TKT: variants seen among roughly 807,000 people sequenced by gnomAD.
TKT encodes the protein transketolase.
In TKT, 47 loss-of-function variants were observed where a neutral mutation model predicts 63.9. The observed-to-expected ratio is 0.74, with a 90% CI of 0.58 to 0.94. The LOEUF (loss-of-function observed/expected upper bound fraction) is 0.94. TKT is among the 40% of genes least tolerant of loss of function. The pLI is 0.00. For missense variants in TKT, 721 were observed against 846.2 expected (o/e 0.85, Z 1.84); for synonymous variants, 338 against 334.1 (o/e 1.01, Z -0.13).
In TKT at chr3:53,244,264, A is replaced by G. The variant is rs562075564; in HGVS notation, c.108-2022T>C. The stretch of plus-strand genomic sequence containing the variant: ...ACGCTTAGGAGCCAGGTGTCCCCGC[A>G]CTCTTCCCCAGAGCTTTTGGGGCTC... On this transcript the variant is annotated intron_variant, in intron 1 of 13. Coordinates refer to ENST00000462138, the MANE Select transcript of TKT (RefSeq NM_001064.4). 5.5e-3 allele frequency among the ~76,000 whole-genome samples: 843 copies of G among 151,968 alleles called. 4 individuals carry two copies. Among genetic ancestry groups the G allele is most frequent in the Middle Eastern group, 0.014 (4 of 294 alleles).
rs1553680025 is a variant in TKT at position 53,242,146 on chromosome 3, A to G, written c.204T>C (p.Asn68=). The change falls in exon 2 of 14, where the codon AAT becomes AAC. Residue 68 remains asparagine (N), a synonymous_variant. Coordinates refer to ENST00000462138, the MANE Select transcript of TKT (RefSeq NM_001064.4). ...TTACCTTGGAGAGCACAAAGCGGTC[A>G]TTGTGCGGATTCCGGGGGTCCTGGG... The part of the protein sequence containing the change: ...YKSQDPRNPH[N]DRFVLSKGHA... The G allele has an allele frequency of 6.2e-7, 1 of 1,614,080 alleles. No homozygotes were observed. Among genetic ancestry groups the G allele is most frequent in the South Asian group, 1.1e-5 (1 of 91,086 alleles).
At chr3:53,226,970 G>T in intron 12 of TKT, 92 bp from the exon 13 acceptor site, 1 of 1,466,016 alleles carries the variant, frequency 6.8e-7, no homozygotes, top group Non-Finnish European at 9.2e-7. Context: ...TGAGGGCTGC[G>T]TGTAGCTAAG....
intron 1 of TKT, among the ~76,000 whole-genome samples, chr3:53,244,569 T>C (rs781974379): frequency 3.9e-5 from 6 of 152,140 alleles, no homozygotes; most frequent in Non-Finnish European, 7.4e-5. Context: ...ACACCAAGGA[T>C]TGAGACCGGG....
intron 5 of TKT, 38 bp downstream of exon 5, chr3:53,234,945 G>GTGCTGTGGCCTGA: frequency 6.4e-7 from 1 of 1,568,998 alleles, no homozygotes; most frequent in Non-Finnish European, 8.7e-7. Context: ...CCACTCTCCC[G>GTGCTGTGGCCTGA]TGCTGTGACC....
chr3:53,236,739 A>G (rs1705049533), intron 4 of TKT, among the ~76,000 whole-genome samples: 1 of 152,230 alleles, frequency 6.6e-6, no homozygotes, highest in African/African-American at 2.4e-5. Context: ...GAGGCCCAGC[A>G]CAGCTTTGGC....
At chr3:53,243,623 C>T (rs1553680373) in intron 1 of TKT, 2 of 456,642 alleles carry the variant, frequency 4.4e-6, no homozygotes, top group Non-Finnish European at 8.8e-6. Flanking sequence ...GACACTACAC[C>T]TGAAAGAGGG....
chr3:53,230,348 G>A (rs1282551863), intron 8 of TKT, 109 bp downstream of exon 8: 3 of 1,411,602 alleles, frequency 2.1e-6, no homozygotes, highest in Non-Finnish European at 3.0e-6. Flanking sequence ...TAGTCTCCCT[G>A]GGCTGGCCTA....
intron 12 of TKT, 61 bp downstream of exon 12, chr3:53,227,995 C>G: frequency 7.0e-7 from 1 of 1,438,720 alleles, no homozygotes; most frequent in Non-Finnish European, 9.7e-7. Flanking sequence ...AAAGAAAGAA[C>G]CCCAAGACCT....
Position 53,225,654 on chromosome 3 carries a change from T to C in TKT, c.*102A>G, listed in dbSNP as rs1427307433. ...GAAAACATTTCAGGGCCAATTCATT[T>C]TTCTCAAAACATATATTTACCCCTC... On this transcript the variant is annotated 3_prime_UTR_variant, in exon 14 of 14. Transcript: ENST00000462138. 29 of 1,328,106 alleles carry C rather than the reference T, an allele frequency of 2.2e-5. No homozygotes were observed. Among genetic ancestry groups the C allele is most frequent in the Admixed American group, 1.3e-4 (5 of 37,758 alleles). The allele number at this position is 1,328,106 out of a possible 1,614,324, so 82.3% of individuals were successfully genotyped here.
chr3:53,228,018 C>T, intron 12 of TKT, 38 bp downstream of exon 12: 2 of 1,582,152 alleles, frequency 1.3e-6, no homozygotes, highest in East Asian at 2.2e-5. Flanking sequence ...CATGCAGTGG[C>T]CGCTCAGTTG....
rs1457777593 is a variant in TKT, at chr3:53,225,809, T to C, written c.1819A>G (p.Ile607Val). 2 of 1,614,024 alleles carry C rather than the reference T, an allele frequency of 1.2e-6. No individual in the cohort carries two copies. The highest frequency in any genetic ancestry group is 2.2e-5 in the East Asian group (1 of 44,896). The change falls in exon 14 of 14, where the codon ATC becomes GTC. Residue 607 changes from isoleucine (I) to valine (V), a missense_variant. Physicochemically the swap from Ile to Val is conservative, Grantham distance 29 (BLOSUM62 3). Coordinates refer to ENST00000462138, the MANE Select transcript of TKT (RefSeq NM_001064.4). The stretch of plus-strand genomic sequence containing the variant: ...GCTTGTGCAATGGCATCCCTGTCGA[T>C]ACCAAACATCTTCAGCAGCTCAGCC... ...KPAELLKMFG[I>V]DRDAIAQAVR...
intron 6 of TKT, chr3:53,232,724 G>GAGT (rs527246199): frequency 4.5e-5 from 18 of 398,982 alleles, no homozygotes; most frequent in Middle Eastern, 6.2e-4. Context: ...ATTGCTTGAG[G>GAGT]AGTACCCCAC....
In TKT at chr3:53,225,820, T is replaced by G; in HGVS notation, c.1808A>C (p.Lys603Thr). 4 of 1,614,054 alleles carry G rather than the reference T, an allele frequency of 2.5e-6. No individual in the cohort carries two copies. Among genetic ancestry groups the G allele is most frequent in the Non-Finnish European group, 3.4e-6 (4 of 1,179,994 alleles). ...GGCATCCCTGTCGATACCAAACATCTTCAGCAGCTCAGCCGGCTTCCCACT... is the reference window on the plus strand; with the variant it reads ...GGCATCCCTGTCGATACCAAACATCGTCAGCAGCTCAGCCGGCTTCCCACT... ...PRSGKPAELL[K>T]MFGIDRDAIA... Residue 603 changes from lysine to threonine, a missense_variant, in exon 14 of 14, where the codon AAG becomes ACG. Physicochemically the swap from Lys to Thr is moderately conservative, Grantham distance 78 (BLOSUM62 -1). Transcript: ENST00000462138.
At chr3:53,231,859 C>A in intron 6 of TKT, 1 of 398,642 alleles carries the variant, frequency 2.5e-6, no homozygotes, top group Non-Finnish European at 4.5e-6. Context: ...ATCCCTTCAC[C>A]AATGTGTCCA....
chr3:53,226,056 G>T, intron 13 of TKT, 125 bp from the exon 14 acceptor site: 1 of 823,794 alleles, frequency 1.2e-6, no homozygotes, highest in Non-Finnish European at 1.8e-6. Context: ...TCCACCTGTA[G>T]CCATGAGCCC....
intron 1 of TKT, among the ~76,000 whole-genome samples, chr3:53,248,820 G>A (rs1264617000): frequency 1.3e-5 from 2 of 152,154 alleles, no homozygotes; most frequent in Non-Finnish European, 1.5e-5. Flanking sequence ...GGTGGAAATG[G>A]GGAGTGACAG....
intron 3 of TKT, among the ~76,000 whole-genome samples, chr3:53,240,918 C>A (rs1281015756): frequency 6.6e-6 from 1 of 152,202 alleles, no homozygotes; most frequent in Non-Finnish European, 1.5e-5. Flanking sequence ...CCAGAGCACC[C>A]TGGCTGAGGC....
intron 6 of TKT, chr3:53,232,619 G>T: frequency 2.5e-6 from 1 of 398,366 alleles, no homozygotes; most frequent in South Asian, 1.3e-4. Flanking sequence ...GCCAGGGAGT[G>T]ACTTACGCCT....
chr3:53,242,310 T>C, intron 1 of TKT, 68 bp from the exon 2 acceptor site: 1 of 1,469,588 alleles, frequency 6.8e-7, no homozygotes, highest in Middle Eastern at 1.7e-4. Flanking sequence ...TGTGCTCAGC[T>C]GTACAGGGAC....
Sources: allele counts gnomAD v4.1 joint callset (sites outside exome capture counted in the v4.1 genomes callset), GRCh38; gene constraint gnomAD v4.1.1; transcripts MANE v1.5; gene names NCBI Gene and HGNC (gene_info 2026-07-23, HGNC 2026-07-21).